STS: variants seen among roughly 807,000 people sequenced by gnomAD.
The protein encoded by STS is steroid sulfatase, also known as steryl-sulfatase.
STS carries 7 observed loss-of-function variants against 26.8 expected under a neutral mutation model. That is an observed-to-expected ratio of 0.26 (90% CI 0.15 to 0.49). The LOEUF (loss-of-function observed/expected upper bound fraction) is 0.49. Among genes scored for constraint, STS ranks in the 20% least tolerant of loss-of-function variants. The pLI is 0.98. For missense variants in STS, 434 were observed against 465.6 expected, an observed-to-expected ratio of 0.93 and a Z score of 0.63; for synonymous variants, 199 against 189.4, an observed-to-expected ratio of 1.05 and a Z score of -0.42.
At chrX:7,305,948 G>A (rs769226769) in intron 8 of STS, among the ~76,000 whole-genome samples, 4 of 111,702 alleles carry the variant, frequency 3.6e-5, no homozygotes, top group Non-Finnish European at 5.6e-5. Flanking sequence ...TAGGACGAGG[G>A]CATCTTTGGG....
intron 5 of STS, among the ~76,000 whole-genome samples, chrX:7,258,076 CTAGA>C (rs1186327253): frequency 6.9e-4 from 64 of 92,970 alleles, no homozygotes; most frequent in African/African-American, 9.9e-4. Context: ...AGCTAGCTAG[CTAGA>C]TAGATAGAGA....
chrX:7,309,743 CA>C (rs776074978), intron 8 of STS, among the ~76,000 whole-genome samples: 1 of 110,854 alleles, frequency 9.0e-6, no homozygotes, highest in African/African-American at 3.3e-5. Flanking sequence ...TCTAATATTC[CA>C]GGGGTGAGGG....
At chrX:7,312,551 G>A (rs1407664183) in intron 8 of STS, among the ~76,000 whole-genome samples, 1 of 111,100 alleles carries the variant, frequency 9.0e-6, no homozygotes, top group Non-Finnish European at 1.9e-5. Flanking sequence ...CATGTCATGG[G>A]AGGCACCTGG....
At chrX:7,259,968 C>T (rs1252081070) in intron 6 of STS, among the ~76,000 whole-genome samples, 196 bp downstream of exon 6, 6 of 111,357 alleles carry the variant, frequency 5.4e-5, no homozygotes, top group Non-Finnish European at 9.4e-5. Context: ...CTCTGCCTCC[C>T]GAGTTCACGC....
chrX:7,178,251 AAAGT>A (rs777310033), intron 1 of STS, among the ~76,000 whole-genome samples: 61 of 112,494 alleles, frequency 5.4e-4, no homozygotes, highest in African/African-American at 1.9e-3. Context: ...GCAAAAGTTT[AAAGT>A]AAGTTTTGCC....
At chrX:7,306,854 G>C (rs1040667249) in intron 8 of STS, among the ~76,000 whole-genome samples, 2 of 112,100 alleles carry the variant, frequency 1.8e-5, no homozygotes, top group Non-Finnish European at 3.8e-5. Flanking sequence ...CAAATAGCTT[G>C]TTCTGCAAAC....
chrX:7,258,907 G>GAA (rs200914929), intron 5 of STS, among the ~76,000 whole-genome samples: 57 of 95,075 alleles, frequency 6.0e-4, no homozygotes, highest in East Asian at 1.7e-3. Flanking sequence ...CCAGGAAAAA[G>GAA]AAAAAAAAAA....
chrX:7,304,023 C>T (rs192520586), intron 7 of STS, among the ~76,000 whole-genome samples: 176 of 111,329 alleles, frequency 1.6e-3, no homozygotes, highest in African/African-American at 5.5e-3. Flanking sequence ...ATTTCATCTA[C>T]GGGTATTTCA....
At chrX:7,250,412 A>AAAAG (rs1230467140) in intron 2 of STS, among the ~76,000 whole-genome samples, 1 of 107,303 alleles carries the variant, frequency 9.3e-6, no homozygotes, top group Non-Finnish European at 1.9e-5. Flanking sequence ...TTAAAAAAAA[A>AAAAG]AAAGAAAGAA....
At chrX:7,247,863 A>G (rs1462700491) in intron 2 of STS, among the ~76,000 whole-genome samples, 1 of 112,180 alleles carries the variant, frequency 8.9e-6, no homozygotes, top group Non-Finnish European at 1.9e-5. Context: ...GCAGAGGTTG[A>G]GAAATCCTGA....
At chrX:7,336,569 A>G (rs966480652) in intron 10 of STS, among the ~76,000 whole-genome samples, 108 of 112,103 alleles carry the variant, frequency 9.6e-4, no homozygotes, top group African/African-American at 3.3e-3. Context: ...TACTTCTGGA[A>G]GCATTTTATT....
chrX:7,210,627 TATAA>T (rs1216503956), intron 2 of STS, among the ~76,000 whole-genome samples: 1 of 107,511 alleles, frequency 9.3e-6, no homozygotes, highest in Non-Finnish European at 1.9e-5. Context: ...AATGTATAAT[TATAA>T]ATAAATCAAT....
chrX:7,180,589 T>C (rs1270920721), intron 1 of STS, among the ~76,000 whole-genome samples: 1 of 111,669 alleles, frequency 9.0e-6, no homozygotes, highest in Non-Finnish European at 1.9e-5. Flanking sequence ...AGCATACAGG[T>C]GGAAACAGCC....
At chrX:7,254,019 G>T (rs889925543) in intron 3 of STS, among the ~76,000 whole-genome samples, 15 of 111,739 alleles carry the variant, frequency 1.3e-4, no homozygotes, top group Admixed American at 3.8e-4. Flanking sequence ...GAGCTCTCTG[G>T]GTCCCTTTTA....
chrX:7,152,466 C>T (rs894596208), intron 1 of STS, among the ~76,000 whole-genome samples: 52 of 111,487 alleles, frequency 4.7e-4, no homozygotes, highest in African/African-American at 1.6e-3. Context: ...TACAGGTGCC[C>T]ACCACCATGC....
rs757337341 is a variant in STS at position 7,334,229 on chromosome X, C to T, written c.1363+122C>T. On this transcript the variant is annotated intron_variant, in intron 10 of 10. Transcript: ENST00000674429. ...GGAGGCCAACAGGTGCCTCAATGTGCGCCCATGCTTTGCTTTGTCCTCTTT... is the reference window on the plus strand; with the variant it reads ...GGAGGCCAACAGGTGCCTCAATGTGTGCCCATGCTTTGCTTTGTCCTCTTT... 1.2e-5 allele frequency: 12 copies of T among 989,741 alleles called. No individual in the cohort carries two copies. In the East Asian group the frequency reaches 2.2e-4, roughly 18 times the overall value. The allele number at this position is 989,741 out of a possible 1,213,427, so 81.6% of individuals were successfully genotyped here. A position where few individuals can be genotyped will look rare whatever the true frequency, so the allele number is the denominator to read the frequency against.
intron 2 of STS, among the ~76,000 whole-genome samples, chrX:7,209,608 ATTTTATTTTTATTTTTAT>A (rs1190171169): frequency 2.8e-5 from 3 of 107,196 alleles, no homozygotes; most frequent in Non-Finnish European, 5.8e-5. Flanking sequence ...TATTTTATAT[ATTTTATTTTTATTTTTAT>A]TTTTATTTTT....
rs1313202123 is a variant in STS at position 7,332,163 on chromosome X, C to CA, written c.1242-1811dup. Among the ~76,000 whole-genome samples the CA allele has an allele frequency of 4.1e-3, 394 of 96,203 alleles. 1 individual carries two copies. Among genetic ancestry groups the CA allele is most frequent in the Middle Eastern group, 5.2e-3 (1 of 193 alleles). The allele number at this position is 96,203 out of a possible 115,157, so 83.5% of individuals were successfully genotyped here. ...CAAGGCCAGTCTGGGCAAATCGCTC[C>CA]AAAAAAAAAAAATGAAAAATAGCTG... is the stretch of plus-strand genomic sequence containing the variant. On this transcript the variant is annotated intron_variant, in intron 9 of 10. Coordinates refer to ENST00000674429, the MANE Select transcript of STS (RefSeq NM_001320752.2).
intron 1 of STS, among the ~76,000 whole-genome samples, chrX:7,154,370 T>C (rs1279623884): frequency 8.9e-6 from 1 of 112,691 alleles, no homozygotes; most frequent in African/African-American, 3.2e-5. Flanking sequence ...GGCCACATGC[T>C]GAGAGTCTGA....
Sources: allele counts gnomAD v4.1 joint callset (sites outside exome capture counted in the v4.1 genomes callset), GRCh38; gene constraint gnomAD v4.1.1; transcripts MANE v1.5; gene names NCBI Gene and HGNC (gene_info 2026-07-23, HGNC 2026-07-21).